Variants in TICRR observed in about 807,000 individuals in gnomAD.
The protein encoded by TICRR is TOPBP1 interacting checkpoint and replication regulator, also known as treslin.
A neutral mutation model predicts 178.1 loss-of-function variants in TICRR; 132 were observed. The observed-to-expected ratio is 0.74, with a 90% CI of 0.64 to 0.86. The LOEUF is 0.86. Among genes scored for constraint, TICRR ranks in the 40% least tolerant of loss-of-function variants. The pLI is 0.00. For synonymous variants in TICRR, 991 were observed against 900.7 expected, an observed-to-expected ratio of 1.10 and a Z score of -1.79; for missense variants, 2,587 against 2,334.3, an observed-to-expected ratio of 1.11 and a Z score of -2.23.
intron 15 of TICRR, among the ~76,000 whole-genome samples, chr15:89,609,990 T>C (rs1963233630): frequency 1.3e-5 from 2 of 152,248 alleles, no homozygotes; most frequent in South Asian, 4.1e-4. Flanking sequence ...TGTGATTTCT[T>C]CTTTGATCCA....
At position 89,623,870 on chromosome 15, in the gene TICRR, C is replaced by G; in HGVS notation, c.3560C>G (p.Ser1187Cys). Residue 1187 changes from serine (S) to cysteine (C), a missense_variant, in exon 20 of 22, where the codon TCT becomes TGT. Physicochemically the swap from Ser to Cys is moderately radical, Grantham distance 112 (BLOSUM62 -1). Coordinates refer to ENST00000268138, the MANE Select transcript of TICRR (RefSeq NM_152259.4). ...KRHTQAGEGT[S>C]LETKTPRTPK... ...CATACCCAGGCAGGAGAAGGTACCT[C>G]TCTTGAAACGAAGACACCAAGAACT... is the stretch of plus-strand genomic sequence containing the variant. 2.5e-6 allele frequency: 4 copies of G among 1,613,988 alleles called. No individual in the cohort carries two copies. The highest frequency in any genetic ancestry group is 3.4e-6 in the Non-Finnish European group (4 of 1,180,030).
At position 89,627,144 on chromosome 15, in the gene TICRR, A is replaced by C; in HGVS notation, c.*58A>C. On this transcript the variant is annotated 3_prime_UTR_variant, in exon 22 of 22. Transcript: ENST00000268138. ...AGTCAGCCAGGACCCTGTGGACATA[A>C]AGAAGTTGGATGCCTGGTCCCAAGC... The C allele has an allele frequency of 6.2e-7, 1 of 1,601,360 alleles. No homozygotes were observed. Among genetic ancestry groups the C allele is most frequent in the Non-Finnish European group, 8.5e-7 (1 of 1,173,276 alleles).
Position 89,626,989 on chromosome 15 carries a change from A to G in TICRR, c.5636A>G (p.Glu1879Gly). The G allele has an allele frequency of 6.2e-7, 1 of 1,614,096 alleles. No homozygotes were observed. The highest frequency in any genetic ancestry group is 1.7e-5 in the Admixed American group (1 of 60,022). ...GTGGATGTTCTTCCCTCCACTGTAG[A>G]AGACTCTCCTTTCAGTCGCGCTTTC... ...EDVDVLPSTV[E>G]DSPFSRAFSR... Residue 1879 changes from glutamate to glycine, a missense_variant, in exon 22 of 22, where the codon GAA (glutamate) becomes GGA (glycine). Coordinates refer to ENST00000268138, the MANE Select transcript of TICRR (RefSeq NM_152259.4).
At chr15:89,604,506 G>C (rs903863893) in intron 13 of TICRR, among the ~76,000 whole-genome samples, 1 of 152,228 alleles carries the variant, frequency 6.6e-6, no homozygotes, top group Non-Finnish European at 1.5e-5. Flanking sequence ...GGGCGCAGTG[G>C]TTCATGCCTA....
chr15:89,598,146 G>GT (rs764483944), intron 7 of TICRR, among the ~76,000 whole-genome samples: 1 of 77,272 alleles, frequency 1.3e-5, no homozygotes, highest in East Asian at 3.2e-4. Flanking sequence ...TTGTTTGTTT[G>GT]TTTTTTTTAG....
intron 19 of TICRR, among the ~76,000 whole-genome samples, chr15:89,621,982 C>CTTTTTTTT (rs34123859): frequency 3.4e-5 from 3 of 87,776 alleles, no homozygotes; most frequent in Admixed American, 1.3e-4. Flanking sequence ...CAAACTGACT[C>CTTTTTTTT]TTTTTTTTTT....
intron 13 of TICRR, among the ~76,000 whole-genome samples, chr15:89,604,939 C>T (rs969979662): frequency 6.6e-6 from 1 of 151,932 alleles, no homozygotes; most frequent in African/African-American, 2.4e-5. Flanking sequence ...ATAGTTAACT[C>T]GGGAAGCAGT....
At chr15:89,615,404 T>C (rs1286498306) in intron 15 of TICRR, among the ~76,000 whole-genome samples, 2 of 152,124 alleles carry the variant, frequency 1.3e-5, no homozygotes, top group African/African-American at 2.4e-5. Flanking sequence ...TTGTGGGAAA[T>C]TGATTTTTAA....
rs760300596 is a variant in TICRR, at chr15:89,621,591, G to C, written c.3312+41G>C. On this transcript the variant is annotated intron_variant, in intron 19 of 21. Transcript: ENST00000268138. ...AATGTTTGAAATAATATAATCTCCTGGAACACAGAGACATGGCCAAGGAAC... is the reference window on the plus strand; with the variant it reads ...AATGTTTGAAATAATATAATCTCCTCGAACACAGAGACATGGCCAAGGAAC... The C allele has an allele frequency of 5.9e-6, 9 of 1,536,956 alleles. No individual in the cohort carries two copies. In the South Asian group the frequency reaches 1.1e-4, roughly 19 times the overall value.
intron 1 of TICRR, chr15:89,580,024 AC>A (rs989030203): frequency 2.0e-5 from 3 of 152,036 alleles, no homozygotes; most frequent in African/African-American, 7.3e-5. Context: ...ACATCTTCCC[AC>A]CCACCTCCCG....
chr15:89,603,776 A>G (rs1467669072), intron 13 of TICRR, among the ~76,000 whole-genome samples: 5 of 152,346 alleles, frequency 3.3e-5, no homozygotes, highest in South Asian at 2.1e-4. Flanking sequence ...CTATGCATGC[A>G]TAAGTTCAAT....
At position 89,592,047 on chromosome 15, in the gene TICRR, C is replaced by T. The variant is rs202229865; in HGVS notation, c.1412C>T (p.Ala471Val). 1.4e-4 allele frequency: 230 copies of T among 1,605,888 alleles called. 4 individuals carry two copies. In the Middle Eastern group the frequency reaches 1.8e-3, roughly 13 times the overall value. Residue 471 changes from alanine to valine, a missense_variant and splice_region_variant, in exon 5 of 22, where the codon GCT becomes GTT. Coordinates refer to ENST00000268138, the MANE Select transcript of TICRR (RefSeq NM_152259.4). ...TGCCGCTGCTCCTTTGCTCCAATAG[C>T]TTCTCCTGTTCCAGAGTGGGCCCAG... ...HDSLADTASA[A>V]SPVPEWAQQE...
In TICRR at chr15:89,618,794, TA is replaced by T. The variant is rs369696419; in HGVS notation, c.3019+590del. 4.2e-4 allele frequency among the ~76,000 whole-genome samples: 64 copies of T among 152,214 alleles called. No individual in the cohort carries two copies. In the East Asian group the frequency reaches 9.1e-3, roughly 22 times the overall value. On this transcript the variant is annotated intron_variant, in intron 17 of 21. Coordinates refer to ENST00000268138, the MANE Select transcript of TICRR (RefSeq NM_152259.4). ...GCAACACAGTGAGGTGCTGTGTCTA[TA>T]AAAAATTTAAAAAATCAGCTGGTCA...
intron 19 of TICRR, among the ~76,000 whole-genome samples, chr15:89,622,366 A>G (rs1963441115): frequency 1.3e-5 from 2 of 152,192 alleles, no homozygotes; most frequent in South Asian, 4.1e-4. Context: ...GGAACACTTC[A>G]ACAGGCTTTT....
intron 1 of TICRR, among the ~76,000 whole-genome samples, chr15:89,576,898 C>G (rs1376285079): frequency 7.4e-6 from 1 of 135,370 alleles, no homozygotes; most frequent in African/African-American, 2.8e-5. Context: ...TATTTATATA[C>G]ATATATATAT....
chr15:89,575,504 G>A lies in TICRR; in HGVS notation c.-83G>A, dbSNP rs937972863. The stretch of plus-strand genomic sequence containing the variant: ...CCAGGGTCCCAAAGGAAAGCAGTGA[G>A]TGGTGCTGTTTCCCTGAAGGAAGGG... On this transcript the variant is annotated 5_prime_UTR_variant, in exon 1 of 22. The change creates a new upstream start codon in the 5' untranslated region. Coordinates refer to ENST00000268138, the MANE Select transcript of TICRR (RefSeq NM_152259.4). The A allele has an allele frequency of 1.6e-5, 21 of 1,308,962 alleles. No homozygotes were observed. Among genetic ancestry groups the A allele is most frequent in the Admixed American group, 9.6e-5 (3 of 31,118 alleles). 81.1% of individuals were successfully genotyped at this position (1,308,962 alleles called of 1,614,324 possible). A position where few individuals can be genotyped will look rare whatever the true frequency, so the allele number is the denominator to read the frequency against.
At chr15:89,584,673 A>G (rs1348135142) in intron 3 of TICRR, 146 bp downstream of exon 3, 6 of 772,814 alleles carry the variant, frequency 7.8e-6, no homozygotes, top group Non-Finnish European at 1.1e-5. Context: ...TTATAGTATC[A>G]TGACAGCAAT....
chr15:89,600,718 C>A, intron 9 of TICRR, 33 bp downstream of exon 9: 2 of 1,059,042 alleles, frequency 1.9e-6, no homozygotes, highest in Admixed American at 2.2e-5. Flanking sequence ...AAAATCATCA[C>A]TCTAAAAGCT....
At chr15:89,590,411 G>A (rs1025175331) in intron 4 of TICRR, among the ~76,000 whole-genome samples, 2 of 152,144 alleles carry the variant, frequency 1.3e-5, no homozygotes, top group African/African-American at 4.8e-5. Context: ...ATTTTGTATT[G>A]TAGAACAGAC....
Sources: gnomAD v4.1 joint callset for allele counts (sites outside exome capture counted in the v4.1 genomes callset) on GRCh38, gnomAD v4.1.1 for gene constraint, MANE v1.5 for transcripts, NCBI Gene and HGNC (gene_info 2026-07-23, HGNC 2026-07-21) for gene names.